The following TIAM1 variants were observed in gnomAD, a reference collection of about 807,000 sequenced individuals.
TIAM1 encodes TIAM Rac1 associated GEF 1.
Under a neutral mutation model 163.5 loss-of-function variants are expected in TIAM1, and 65 were observed. That is an observed-to-expected ratio of 0.40 (90% CI 0.33 to 0.49). The LOEUF is 0.49. TIAM1 is among the 20% of genes least tolerant of loss of function. The pLI is 0.77. For missense variants in TIAM1, 1,789 were observed against 2,044.7 expected (o/e 0.87, Z 2.41); for synonymous variants, 833 against 810.1 (o/e 1.03, Z -0.48).
chr21:31,434,028 G>A (rs1289958030), intron 2 of TIAM1, among the ~76,000 whole-genome samples: 2 of 151,968 alleles, frequency 1.3e-5, no homozygotes, highest in African/African-American at 4.8e-5. Context: ...AAACTCCTGA[G>A]CTCAAGCGAT....
At chr21:31,256,629 G>A (rs866222881) in intron 4 of TIAM1, among the ~76,000 whole-genome samples, 11 of 9,728 alleles carry the variant, frequency 1.1e-3, no homozygotes, top group South Asian at 3.8e-3. Context: ...ACACACACAC[G>A]TATATTATCT....
chr21:31,552,687 T>G (rs1220609738), intron 1 of TIAM1, among the ~76,000 whole-genome samples: 1 of 152,078 alleles, frequency 6.6e-6, no homozygotes, highest in Non-Finnish European at 1.5e-5. Flanking sequence ...CAAGAATTGC[T>G]TGAACCTGGG....
intron 1 of TIAM1, among the ~76,000 whole-genome samples, chr21:31,493,925 T>A (rs962857506): frequency 4.5e-4 from 68 of 151,152 alleles, no homozygotes; most frequent in African/African-American, 1.2e-3. Flanking sequence ...ATTTCTTTTT[T>A]AAAAAAAAAG....
rs1472266385 is a variant in TIAM1, at chr21:31,210,671, GAAAGAAAGAAAGAA to G, written c.2218-470_2218-457del. ...AAAGAAAGAAAGAAAGAAAGAAAAA[GAAAGAAAGAAAGAA>G]AAAGAAAGAAAGAAAGAAAGAGAAA... On this transcript the variant is annotated intron_variant, in intron 10 of 27. Coordinates refer to ENST00000541036, the MANE Select transcript of TIAM1 (RefSeq NM_001353694.2). Among the ~76,000 whole-genome samples, 75 of 39,392 alleles carry G rather than the reference GAAAGAAAGAAAGAA, an allele frequency of 1.9e-3. 6 individuals carry two copies. The highest frequency in any genetic ancestry group is 7.4e-3 in the African/African-American group (59 of 7,974). 25.8% of individuals were successfully genotyped at this position (39,392 alleles called of 152,430 possible).
chr21:31,287,065 A>G (rs2073837178), intron 2 of TIAM1, among the ~76,000 whole-genome samples: 1 of 152,262 alleles, frequency 6.6e-6, no homozygotes, highest in South Asian at 2.1e-4. Context: ...TGATTTTAAG[A>G]AACACTATTT....
At chr21:31,267,156 C>T (rs563464866) in intron 3 of TIAM1, among the ~76,000 whole-genome samples, 173 bp from the exon 4 acceptor site, 6 of 152,256 alleles carry the variant, frequency 3.9e-5, no homozygotes, top group African/African-American at 1.2e-4. Flanking sequence ...CGGACTCTTA[C>T]CTGGGAGCAG....
intron 2 of TIAM1, among the ~76,000 whole-genome samples, chr21:31,297,417 C>T (rs1383739235): frequency 2.0e-5 from 3 of 152,152 alleles, no homozygotes; most frequent in African/African-American, 7.2e-5. Flanking sequence ...TCCTTTGAGA[C>T]GGAGTCTCGC....
intron 14 of TIAM1, 122 bp from the exon 15 acceptor site, chr21:31,182,767 C>T: frequency 1.0e-6 from 1 of 981,896 alleles, no homozygotes; most frequent in South Asian, 1.9e-5. Context: ...CTGCTGCAGA[C>T]AGGCTGCGGT....
chr21:31,233,405 A>G (rs1369460125), intron 6 of TIAM1, among the ~76,000 whole-genome samples: 1 of 152,142 alleles, frequency 6.6e-6, no homozygotes, highest in Non-Finnish European at 1.5e-5. Context: ...ATTATTTTTA[A>G]TATCTGTAAA....
chr21:31,172,153 G>A (rs1220845786), intron 15 of TIAM1, among the ~76,000 whole-genome samples: 1 of 152,174 alleles, frequency 6.6e-6, no homozygotes, highest in East Asian at 1.9e-4. Context: ...GGTGACAGTG[G>A]TACGCTTCAA....
intron 2 of TIAM1, among the ~76,000 whole-genome samples, chr21:31,374,840 T>C (rs1337592237): frequency 6.6e-6 from 1 of 152,200 alleles, no homozygotes; most frequent in African/African-American, 2.4e-5. Flanking sequence ...AAAACAAATA[T>C]TCGTTATTCC....
chr21:31,408,015 A>G (rs536873), intron 2 of TIAM1, among the ~76,000 whole-genome samples: 1 of 152,178 alleles, frequency 6.6e-6, no homozygotes. Flanking sequence ...AGGAAGTAAG[A>G]GCTCTTTGGA....
intron 17 of TIAM1, among the ~76,000 whole-genome samples, chr21:31,153,368 T>C (rs1233380395): frequency 2.6e-5 from 4 of 152,170 alleles, no homozygotes; most frequent in South Asian, 2.1e-4. Flanking sequence ...ACGGTCTCCA[T>C]TGCAACTTCT....
chr21:31,118,683 G>A lies in TIAM1; in HGVS notation c.*1685C>T, dbSNP rs1268956984. 1 of 469,732 alleles carries A rather than the reference G, an allele frequency of 2.1e-6. No homozygotes were observed. Among genetic ancestry groups the A allele is most frequent in the Admixed American group, 2.4e-5 (1 of 42,168 alleles). 29.1% of individuals were successfully genotyped at this position (469,732 alleles called of 1,614,324 possible). Reference sequence around the variant, plus strand: ...TTCCGTTTTCCATCTGGACGCGATCGAACCGGAGATGATATGGAAAAATGC... The same window carrying A: ...TTCCGTTTTCCATCTGGACGCGATCAAACCGGAGATGATATGGAAAAATGC... On this transcript the variant is annotated 3_prime_UTR_variant, in exon 28 of 28. Transcript: ENST00000541036.
chr21:31,219,259 A>C (rs1339538596), intron 8 of TIAM1, among the ~76,000 whole-genome samples: 1 of 152,122 alleles, frequency 6.6e-6, no homozygotes, highest in Non-Finnish European at 1.5e-5. Context: ...CAGGAATTTA[A>C]GGGAACTTCT....
Position 31,212,615 on chromosome 21 carries a change from T to TC in TIAM1, c.2217+782_2217+783insG, listed in dbSNP as rs1485230458. 3 of 144,320 alleles carry TC rather than the reference T, an allele frequency of 2.1e-5. No individual in the cohort carries two copies. The East Asian group carries it at 6.0e-4, about 29-fold the overall frequency. 8.9% of individuals were successfully genotyped at this position (144,320 alleles called of 1,614,324 possible). A position where few individuals can be genotyped will look rare whatever the true frequency, so the allele number is the denominator to read the frequency against. On this transcript the variant is annotated intron_variant, in intron 10 of 27. Coordinates refer to ENST00000541036, the MANE Select transcript of TIAM1 (RefSeq NM_001353694.2). The stretch of plus-strand genomic sequence containing the variant: ...AACCAAGCCTGTGAATCTTTTTTTT[T>TC]TTTTTTTTTTTTTTTGAGAGAGAGT...
chr21:31,484,313 G>A (rs1286882348), intron 1 of TIAM1, among the ~76,000 whole-genome samples: 1 of 152,212 alleles, frequency 6.6e-6, no homozygotes, highest in African/African-American at 2.4e-5. Context: ...TCCACAAAGA[G>A]GCTTCTGGGC....
At chr21:31,503,815 T>C (rs967016384) in intron 1 of TIAM1, among the ~76,000 whole-genome samples, 1 of 150,816 alleles carries the variant, frequency 6.6e-6, no homozygotes, top group African/African-American at 2.4e-5. Flanking sequence ...ACACCACCAT[T>C]TGAGACATCA....
At chr21:31,393,732 G>C (rs1182786262) in intron 2 of TIAM1, among the ~76,000 whole-genome samples, 2 of 152,128 alleles carry the variant, frequency 1.3e-5, no homozygotes, top group East Asian at 3.9e-4. Flanking sequence ...ATCATAAAAA[G>C]TCACTTAAGG....
Sources: gnomAD v4.1 joint callset for allele counts (sites outside exome capture counted in the v4.1 genomes callset) on GRCh38, gnomAD v4.1.1 for gene constraint, MANE v1.5 for transcripts, NCBI Gene and HGNC (gene_info 2026-07-23, HGNC 2026-07-21) for gene names.